Variants in ICAM3 observed in about 807,000 individuals in gnomAD.
ICAM3 encodes intercellular adhesion molecule 3.
In ICAM3, 54 loss-of-function variants were observed where a neutral mutation model predicts 43.6. The observed-to-expected ratio is 1.24, with a 90% CI of 0.99 to 1.55. The LOEUF (loss-of-function observed/expected upper bound fraction) is 1.55. Among genes scored for constraint, ICAM3 ranks in the 40% most tolerant of loss-of-function variants. ICAM3 has a pLI of 0.00. For missense variants in ICAM3, 715 were observed against 717.9 expected, an observed-to-expected ratio of 1.00 and a Z score of 0.05; for synonymous variants, 306 against 312.6, an observed-to-expected ratio of 0.98 and a Z score of 0.22.
In ICAM3 at chr19:10,336,030, AC is replaced by A. The variant is rs1168814421; in HGVS notation, c.344-55del. On this transcript the variant is annotated intron_variant, in intron 2 of 6. Transcript: ENST00000160262. Reference sequence around the variant, plus strand: ...GCGGGTCCTGCAAACCCACCCACTCACCCCAGGGACTGGGGAGGAGACAGGG... The same window carrying A: ...GCGGGTCCTGCAAACCCACCCACTCACCCAGGGACTGGGGAGGAGACAGGG... 5 of 1,449,994 alleles carry A rather than the reference AC, an allele frequency of 3.4e-6. No individual in the cohort carries two copies. The African/African-American group carries it at 7.0e-5, about 20-fold the overall frequency. 89.8% of individuals were successfully genotyped at this position (1,449,994 alleles called of 1,614,324 possible). A position where few individuals can be genotyped will look rare whatever the true frequency, so the allele number is the denominator to read the frequency against.
At position 10,334,762 on chromosome 19, in the gene ICAM3, T is replaced by A. The variant is rs1232633011; in HGVS notation, c.958A>T (p.Asn320Tyr). 2 of 1,604,722 alleles carry A rather than the reference T, an allele frequency of 1.2e-6. No homozygotes were observed. Among genetic ancestry groups the A allele is most frequent in the Admixed American group, 1.7e-5 (1 of 59,430 alleles). ...TVFSFLGPIV[N>Y]LSEPTAHEGS... ...TCATGGGCGGTGGGCTCGCTGAGGT[T>A]CACAATGGGTCCTAGGAAGCCTAAA... Residue 320 changes from asparagine to tyrosine, a missense_variant, in exon 5 of 7, where the codon AAC becomes TAC. By Grantham distance (143) the Asn-to-Tyr change is moderately radical (BLOSUM62 -2). Coordinates refer to ENST00000160262, the MANE Select transcript of ICAM3 (RefSeq NM_002162.5). This position sits in a 1 kb window ranked among gnomAD's most constrained non-coding sequence, Gnocchi z 5.5.
In ICAM3 at chr19:10,334,144, C is replaced by T. The variant is rs2040554351; in HGVS notation, c.1441+16G>A. 8.1e-6 allele frequency: 13 copies of T among 1,612,212 alleles called. No homozygotes were observed. Among genetic ancestry groups the T allele is most frequent in the Non-Finnish European group, 1.1e-5 (13 of 1,178,532 alleles). ...CCGGCTTACCGGTCCAGACCCGCAG[C>T]CCCGTGTTAGCTCACCCTCAATGTC... On this transcript the variant is annotated intron_variant, in intron 6 of 6. Coordinates refer to ENST00000160262, the MANE Select transcript of ICAM3 (RefSeq NM_002162.5). This position sits in a 1 kb window ranked among gnomAD's most constrained non-coding sequence, Gnocchi z 5.5.
At chr19:10,338,334 C>T (rs1377514096) in intron 2 of ICAM3, among the ~76,000 whole-genome samples, 3 of 149,430 alleles carry the variant, frequency 2.0e-5, no homozygotes, top group Non-Finnish European at 3.0e-5. Flanking sequence ...ACCCAGGAGG[C>T]GAAGGTTGCA....
chr19:10,334,447 C>G lies in ICAM3; in HGVS notation c.1193-39G>C. The stretch of plus-strand genomic sequence containing the variant: ...ATGTGTGATCAGACACCCAACACAC[C>G]CGAGGCACAGTGGTGCAGAGGAGCG... On this transcript the variant is annotated intron_variant, in intron 5 of 6. Transcript: ENST00000160262. This position sits in a 1 kb window ranked among gnomAD's most constrained non-coding sequence, Gnocchi z 5.5. The G allele has an allele frequency of 1.2e-6, 2 of 1,611,876 alleles. No homozygotes were observed. Among genetic ancestry groups the G allele is most frequent in the Non-Finnish European group, 1.7e-6 (2 of 1,178,386 alleles).
chr19:10,335,268 C>T lies in ICAM3; in HGVS notation c.735G>A (p.Gly245=), dbSNP rs2040581281. The change falls in exon 4 of 7, where the codon GGG becomes GGA. Residue 245 remains glycine, a synonymous_variant. Transcript: ENST00000160262. ...CCTGGGCCTCTGAGGCTGGAAAAAG[C>T]CCGTCTAGGGTGCAGTCCACCGGCC... ...TSWPVDCTLD[G]LFPASEAQVY... 1 of 1,613,430 alleles carries T rather than the reference C, an allele frequency of 6.2e-7. No homozygotes were observed.
At chr19:10,335,594 T>A in intron 3 of ICAM3, 77 bp downstream of exon 3, 1 of 1,407,654 alleles carries the variant, frequency 7.1e-7, no homozygotes, top group Non-Finnish European at 9.7e-7. Context: ...GGTACCCCAC[T>A]CTCAGGAACC....
intron 2 of ICAM3, 194 bp from the exon 3 acceptor site, chr19:10,336,170 T>C: frequency 1.8e-6 from 1 of 568,942 alleles, no homozygotes; most frequent in East Asian, 2.8e-5. Flanking sequence ...TCCTGTGTTG[T>C]CAGATACCTT....
Position 10,335,333 on chromosome 19 carries a change from G to GC in ICAM3, c.669dup (p.Arg224AlafsTer90). The GC allele has an allele frequency of 6.2e-7, 1 of 1,609,580 alleles. No individual in the cohort carries two copies. Among genetic ancestry groups the GC allele is most frequent in the Non-Finnish European group, 8.5e-7 (1 of 1,179,336 alleles). On this transcript the variant is annotated frameshift_variant, in exon 4 of 7. Coordinates refer to ENST00000160262, the MANE Select transcript of ICAM3 (RefSeq NM_002162.5). LOFTEE classifies it high-confidence loss of function. ...TCCAAGAACCGGGGGGCCACGAGGC[G>GC]CGGGGGGGTCACGGGCAGGACTGGG... is the stretch of plus-strand genomic sequence containing the variant.
intron 2 of ICAM3, among the ~76,000 whole-genome samples, chr19:10,337,105 C>T (rs1329081885): frequency 1.3e-5 from 2 of 150,410 alleles, no homozygotes; most frequent in Non-Finnish European, 3.0e-5. Flanking sequence ...AGCAAGACTG[C>T]GTCTCAAAGA....
Position 10,334,278 on chromosome 19 carries a change from G to A in ICAM3, c.1323C>T (p.Ser441=), listed in dbSNP as rs763543753. 4 of 1,614,186 alleles carry A rather than the reference G, an allele frequency of 2.5e-6. No homozygotes were observed. The South Asian group carries it at 3.3e-5, about 13-fold the overall frequency. Residue 441 remains serine (S), a synonymous_variant, in exon 6 of 7, where the codon AGC becomes AGT. Transcript: ENST00000160262. The surrounding 1 kb of genome is among the most constrained non-coding windows in gnomAD (Gnocchi z 5.5). Reference sequence around the variant, plus strand: ...ACGGGATCCCCACCGGCACCTCCCGGCTGGAGCCTTCCTTCAAACACCGCA... The same window carrying A: ...ACGGGATCCCCACCGGCACCTCCCGACTGGAGCCTTCCTTCAAACACCGCA... ...PELRCLKEGS[S]REVPVGIPFF...
rs746267812 is a variant in ICAM3, at chr19:10,335,090, CCTCCCGTCTCTCGCCCCCTAGGGTCA to C, written c.887_912del (p.Val296GlyfsTer9). ...CTAAAGACCGTCAAGTTCTCCCGGG[CCTCCCGTCTCTCGCCCCCTAGGGTCA>C]CGTTGCAGACGATCTCCCGGGCACC... On this transcript the variant is annotated frameshift_variant, in exon 4 of 7. Transcript: ENST00000160262. LOFTEE classifies it high-confidence loss of function. 5.0e-6 allele frequency: 8 copies of C among 1,613,366 alleles called. No homozygotes were observed. Among genetic ancestry groups the C allele is most frequent in the Non-Finnish European group, 6.8e-6 (8 of 1,179,722 alleles).
rs369922612 is a variant in ICAM3 at position 10,338,921 on chromosome 19, C to T, written c.104G>A (p.Arg35Gln). The change falls in exon 2 of 7, where the codon CGG (arginine) becomes CAG (glutamine). Residue 35 changes from arginine to glutamine, a missense_variant. Coordinates refer to ENST00000160262, the MANE Select transcript of ICAM3 (RefSeq NM_002162.5). ...GAGCACAGGGTTCTGGGGCTCCACCCGCAAAAGGAACTCCTGCCCCTGGAC... is the reference window on the plus strand; with the variant it reads ...GAGCACAGGGTTCTGGGGCTCCACCTGCAAAAGGAACTCCTGCCCCTGGAC... ...PGVQGQEFLL[R>Q]VEPQNPVLSA... The T allele has an allele frequency of 1.1e-5, 17 of 1,613,850 alleles. 1 individual carries two copies. The South Asian group carries it at 1.2e-4, about 11-fold the overall frequency.
At chr19:10,338,616 G>A in intron 2 of ICAM3, 66 bp downstream of exon 2, 1 of 1,509,140 alleles carries the variant, frequency 6.6e-7, no homozygotes, top group Non-Finnish European at 9.1e-7. Flanking sequence ...CCACTCTCCT[G>A]AGCCATTGGC....
rs760388743 is a variant in ICAM3, at chr19:10,335,267, G to A, written c.736C>T (p.Leu246Phe). The A allele has an allele frequency of 6.2e-7, 1 of 1,613,446 alleles. No individual in the cohort carries two copies. Among genetic ancestry groups the A allele is most frequent in the Admixed American group, 1.7e-5 (1 of 60,010 alleles). ...ACCTGGGCCTCTGAGGCTGGAAAAAGCCCGTCTAGGGTGCAGTCCACCGGC... is the reference window on the plus strand; with the variant it reads ...ACCTGGGCCTCTGAGGCTGGAAAAAACCCGTCTAGGGTGCAGTCCACCGGC... Reference protein sequence around the residue: ...SWPVDCTLDGLFPASEAQVYL... With the variant: ...SWPVDCTLDGFFPASEAQVYL... Residue 246 changes from leucine (L) to phenylalanine (F), a missense_variant, in exon 4 of 7, where the codon CTT becomes TTT. Physicochemically the swap from Leu to Phe is conservative, Grantham distance 22 (BLOSUM62 0). Transcript: ENST00000160262.
rs771759809 is a variant in ICAM3, at chr19:10,334,692, T to C, written c.1028A>G (p.Gln343Arg). 4.0e-5 allele frequency: 64 copies of C among 1,613,070 alleles called. No individual in the cohort carries two copies. Among genetic ancestry groups the C allele is most frequent in the Admixed American group, 5.0e-5 (3 of 59,990 alleles). ...GGCCGGAACTCCGTCCAGCGTGACCTGGACTCGAGCCCCAGCCATGCAACT... is the reference window on the plus strand; with the variant it reads ...GGCCGGAACTCCGTCCAGCGTGACCCGGACTCGAGCCCCAGCCATGCAACT... ...TVSCMAGARV[Q>R]VTLDGVPAAA... The change falls in exon 5 of 7, where the codon CAG (glutamine) becomes CGG (arginine). Residue 343 changes from glutamine to arginine, a missense_variant. Coordinates refer to ENST00000160262, the MANE Select transcript of ICAM3 (RefSeq NM_002162.5). The surrounding 1 kb of genome is among the most constrained non-coding windows in gnomAD (Gnocchi z 5.5).
In ICAM3 at chr19:10,337,286, A is replaced by G. The variant is rs112775107; in HGVS notation, c.344-1310T>C. On this transcript the variant is annotated intron_variant, in intron 2 of 6. Transcript: ENST00000160262. ...ACAAAAATTAGCTGGGCGTGTTGGC[A>G]TGCGCCTGTAATCCCAGCTACTCAG... is the stretch of plus-strand genomic sequence containing the variant. 2.8e-4 allele frequency among the ~76,000 whole-genome samples: 27 copies of G among 97,432 alleles called. 1 individual carries two copies. Among genetic ancestry groups the G allele is most frequent in the Non-Finnish European group, 4.2e-4 (17 of 40,574 alleles). 63.9% of individuals were successfully genotyped at this position (97,432 alleles called of 152,430 possible). A position where few individuals can be genotyped will look rare whatever the true frequency, so the allele number is the denominator to read the frequency against.
rs1325106775 is a variant in ICAM3, at chr19:10,335,452, C to T, written c.650-99G>A. On this transcript the variant is annotated intron_variant, in intron 3 of 6. Transcript: ENST00000160262. ...AGGATATCTTGCTGACTGGGTCACCCTTCTTCACAGGACACACACACAGGG... is the reference window on the plus strand; with the variant it reads ...AGGATATCTTGCTGACTGGGTCACCTTTCTTCACAGGACACACACACAGGG... The T allele has an allele frequency of 4.0e-6, 5 of 1,237,226 alleles. No homozygotes were observed. In the Admixed American group the frequency reaches 7.4e-5, roughly 18 times the overall value. The allele number at this position is 1,237,226 out of a possible 1,614,324, so 76.6% of individuals were successfully genotyped here.
Position 10,337,294 on chromosome 19 carries a change from G to A in ICAM3, c.344-1318C>T, listed in dbSNP as rs113922888. ...TAGCTGGGCGTGTTGGCATGCGCCTGTAATCCCAGCTACTCAGGAGGCTGA... is the reference window on the plus strand; with the variant it reads ...TAGCTGGGCGTGTTGGCATGCGCCTATAATCCCAGCTACTCAGGAGGCTGA... On this transcript the variant is annotated intron_variant, in intron 2 of 6. Coordinates refer to ENST00000160262, the MANE Select transcript of ICAM3 (RefSeq NM_002162.5). Among the ~76,000 whole-genome samples, 43 of 98,108 alleles carry A rather than the reference G, an allele frequency of 4.4e-4. 1 individual carries two copies. Among genetic ancestry groups the A allele is most frequent in the Non-Finnish European group, 5.6e-4 (23 of 40,782 alleles). The allele number at this position is 98,108 out of a possible 152,430, so 64.4% of individuals were successfully genotyped here. A position where few individuals can be genotyped will look rare whatever the true frequency, so the allele number is the denominator to read the frequency against.
In ICAM3 at chr19:10,335,748, C is replaced by T. The variant is rs1428211171; in HGVS notation, c.572G>A (p.Arg191His). 2 of 1,611,628 alleles carry T rather than the reference C, an allele frequency of 1.2e-6. No homozygotes were observed. Among genetic ancestry groups the T allele is most frequent in the Non-Finnish European group, 1.7e-6 (2 of 1,179,352 alleles). The part of the protein sequence containing the change: ...RDDHGAPFSC[R>H]TELDMQPQGL... ...CTGGGGCTGCATGTCCAGTTCTGTG[C>T]GGCATGAGAAAGGGGCTCCGTGGTC... The change falls in exon 3 of 7, where the codon CGC becomes CAC. Residue 191 changes from arginine (R) to histidine (H), a missense_variant. By Grantham distance (29) the Arg-to-His change is conservative. Coordinates refer to ENST00000160262, the MANE Select transcript of ICAM3 (RefSeq NM_002162.5).
Sources: gnomAD v4.1 joint callset for allele counts (sites outside exome capture counted in the v4.1 genomes callset) on GRCh38, gnomAD v4.1.1 for gene constraint, Gnocchi (gnomAD v3.1) non-coding constraint, MANE v1.5 for transcripts, NCBI Gene and HGNC (gene_info 2026-07-23, HGNC 2026-07-21) for gene names.